APP: variants seen among roughly 807,000 people sequenced by gnomAD.
APP encodes the protein amyloid-beta precursor protein.
In APP, 31 loss-of-function variants were observed where a neutral mutation model predicts 101.4. The ratio of observed to expected loss-of-function variants is 0.31; its 90% confidence interval spans 0.23 to 0.41. The LOEUF (loss-of-function observed/expected upper bound fraction) is 0.41. APP is among the 10% of genes least tolerant of loss of function. APP has a pLI of 1.00. For missense variants in APP, 839 were observed against 1,003.7 expected, an observed-to-expected ratio of 0.84 and a Z score of 2.22; for synonymous variants, 366 against 364.4, an observed-to-expected ratio of 1.00 and a Z score of -0.05.
intron 3 of APP, among the ~76,000 whole-genome samples, chr21:26,079,724 C>G (rs534856388): frequency 1.3e-5 from 2 of 152,136 alleles, no homozygotes; most frequent in Non-Finnish European, 2.9e-5. Context: ...TGACCATGAC[C>G]GTGTGAAATT....
rs775879328 is a variant in APP, at chr21:25,975,993, T to C, written c.1260A>G (p.Ala420=). The C allele has an allele frequency of 6.2e-7, 1 of 1,614,026 alleles. No individual in the cohort carries two copies. Among genetic ancestry groups the C allele is most frequent in the South Asian group, 1.1e-5 (1 of 91,082 alleles). The change falls in exon 10 of 18, where the codon GCA becomes GCG. Residue 420 remains alanine, a synonymous_variant. Coordinates refer to ENST00000346798, the MANE Select transcript of APP (RefSeq NM_000484.4). ...TCTTATCAGCTTTAGGCAAGTTCTT[T>C]GCTTGACGTTCTGCCTCTTCCCATT... The part of the protein sequence containing the change: ...MREWEEAERQ[A]KNLPKADKKA...
chr21:26,048,637 C>T (rs1446582763), intron 5 of APP, among the ~76,000 whole-genome samples: 1 of 152,130 alleles, frequency 6.6e-6, no homozygotes, highest in Non-Finnish European at 1.5e-5. Context: ...ATACCAGACA[C>T]ATAAACTATA....
chr21:25,982,556 G>C, intron 8 of APP, 79 bp from the exon 9 acceptor site: 2 of 1,387,328 alleles, frequency 1.4e-6, no homozygotes, highest in Admixed American at 3.7e-5. Flanking sequence ...ATAGAAAGCC[G>C]TATTTTCAGT....
chr21:26,027,526 G>A (rs1055606146), intron 5 of APP, among the ~76,000 whole-genome samples: 18 of 152,260 alleles, frequency 1.2e-4, no homozygotes, highest in Middle Eastern at 3.4e-3. Flanking sequence ...TACTTCTCCC[G>A]CATAAAGGCA....
At chr21:26,069,148 A>G (rs1210873609) in intron 3 of APP, among the ~76,000 whole-genome samples, 2 of 152,124 alleles carry the variant, frequency 1.3e-5, no homozygotes, top group Non-Finnish European at 2.9e-5. Flanking sequence ...GGCCCCGTTG[A>G]TCGATTTCCC....
intron 11 of APP, among the ~76,000 whole-genome samples, chr21:25,961,615 A>G (rs2041583573): frequency 6.6e-6 from 1 of 152,218 alleles, no homozygotes; most frequent in South Asian, 2.1e-4. Flanking sequence ...TTGAGCTATA[A>G]TAATGTATCT....
At chr21:25,890,644 CAA>C (rs893875629) in intron 17 of APP, among the ~76,000 whole-genome samples, 2 of 138,996 alleles carry the variant, frequency 1.4e-5, no homozygotes, top group Admixed American at 8.2e-5. Flanking sequence ...GAAGCTGAGA[CAA>C]GAGAATTGCT....
At chr21:25,909,793 G>A (rs921609740) in intron 14 of APP, among the ~76,000 whole-genome samples, 2 of 152,126 alleles carry the variant, frequency 1.3e-5, no homozygotes, top group East Asian at 1.9e-4. Flanking sequence ...AAAACAATCT[G>A]CACTCAATAC....
At chr21:25,888,776 AAAAG>A (rs2037505665) in intron 17 of APP, among the ~76,000 whole-genome samples, 2 of 151,810 alleles carry the variant, frequency 1.3e-5, no homozygotes, top group Admixed American at 6.6e-5. Flanking sequence ...ACTGACTAAA[AAAAG>A]AGCGTTTTAA....
chr21:25,926,320 G>A (rs982125661), intron 13 of APP, among the ~76,000 whole-genome samples: 2 of 152,200 alleles, frequency 1.3e-5, no homozygotes, highest in African/African-American at 4.8e-5. Flanking sequence ...TACTAAAGAA[G>A]CATGGACTTA....
At chr21:25,970,006 A>G (rs184882322) in intron 11 of APP, among the ~76,000 whole-genome samples, 2 of 146,620 alleles carry the variant, frequency 1.4e-5, no homozygotes, top group East Asian at 2.0e-4. Flanking sequence ...GAAACAGAGA[A>G]AGAGAGAGAG....
intron 11 of APP, among the ~76,000 whole-genome samples, chr21:25,974,811 G>C (rs943142756): frequency 6.6e-6 from 1 of 152,180 alleles, no homozygotes; most frequent in African/African-American, 2.4e-5. Flanking sequence ...GTCAGGGCTT[G>C]CAATGTGAGT....
intron 2 of APP, among the ~76,000 whole-genome samples, chr21:26,091,772 G>C (rs62222438): frequency 1.3e-5 from 2 of 151,994 alleles, no homozygotes; most frequent in Admixed American, 6.6e-5. Flanking sequence ...AAATGAAGAG[G>C]AAAAGAGGAA....
intron 13 of APP, chr21:25,942,772 G>A (rs1000608060): frequency 2.0e-5 from 3 of 152,024 alleles, no homozygotes; most frequent in Admixed American, 1.3e-4. Context: ...TCCTATCATG[G>A]TAAATATATA....
Position 26,136,982 on chromosome 21 carries a change from C to T in APP, c.58-24836G>A, listed in dbSNP as rs1381427850. ...ATCTCTGCTCACTGCACCTATGCCT[C>T]CTGGGTTCAAGAGATCCATCTCTGC... On this transcript the variant is annotated intron_variant, in intron 1 of 17. Coordinates refer to ENST00000346798, the MANE Select transcript of APP (RefSeq NM_000484.4). Among the ~76,000 whole-genome samples, 3 of 152,170 alleles carry T rather than the reference C, an allele frequency of 2.0e-5. No homozygotes were observed. The South Asian group carries it at 6.2e-4, about 32-fold the overall frequency.
intron 8 of APP, among the ~76,000 whole-genome samples, chr21:25,990,390 C>G (rs928761975): frequency 6.6e-6 from 1 of 152,172 alleles, no homozygotes; most frequent in Non-Finnish European, 1.5e-5. Flanking sequence ...GCACATCACA[C>G]TAAAACTTAA....
intron 1 of APP, among the ~76,000 whole-genome samples, chr21:26,116,694 G>A (rs1477625097): frequency 3.3e-5 from 5 of 152,184 alleles, no homozygotes; most frequent in Admixed American, 6.5e-5. Flanking sequence ...TTGGCAAGGA[G>A]AGGGCACAGA....
At position 25,945,594 on chromosome 21, in the gene APP, C is replaced by T. The variant is rs943263643; in HGVS notation, c.1687+8996G>A. 3.6e-5 allele frequency: 8 copies of T among 222,408 alleles called. No homozygotes were observed. The East Asian group carries it at 6.3e-4, about 17-fold the overall frequency. The allele number at this position is 222,408 out of a possible 1,614,324, so 13.8% of individuals were successfully genotyped here. A position where few individuals can be genotyped will look rare whatever the true frequency, so the allele number is the denominator to read the frequency against. On this transcript the variant is annotated intron_variant, in intron 13 of 17. Transcript: ENST00000346798. ...TGGTACTACAGTAAGCACAGGCACA[C>T]AGATCAAAGAAAAGAACTAAGAATT...
chr21:26,163,181 C>T (rs1343455538), intron 1 of APP, among the ~76,000 whole-genome samples: 1 of 128,042 alleles, frequency 7.8e-6, no homozygotes, highest in African/African-American at 3.0e-5. Context: ...GCAGAGGTTG[C>T]AGTAAGCCAA....
Sources: allele counts gnomAD v4.1 joint callset (sites outside exome capture counted in the v4.1 genomes callset), GRCh38; gene constraint gnomAD v4.1.1; transcripts MANE v1.5; gene names NCBI Gene and HGNC (gene_info 2026-07-23, HGNC 2026-07-21).